The following LINGO2 variants were observed in gnomAD, a reference collection of about 807,000 sequenced individuals.
The protein encoded by LINGO2 is leucine-rich repeat and immunoglobulin-like domain-containing nogo receptor-interacting protein 2.
LINGO2 carries 14 observed loss-of-function variants against 30.6 expected under a neutral mutation model. The ratio of observed to expected loss-of-function variants is 0.46; its 90% CI spans 0.30 to 0.72. The LOEUF (loss-of-function observed/expected upper bound fraction) is 0.72, where lower values mean the gene tolerates loss of function less well. Among genes scored for constraint, LINGO2 ranks in the 30% least tolerant of loss-of-function variants. The pLI, the probability that LINGO2 is intolerant of heterozygous loss-of-function variation, is 0.07. For synonymous variants in LINGO2, 317 were observed against 288.5 expected (o/e 1.10, Z -1.00); for missense variants, 729 against 751.7 (o/e 0.97, Z 0.35).
At chr9:28,506,886 C>A (rs1324200721) in intron 1 of LINGO2, among the ~76,000 whole-genome samples, 1 of 151,912 alleles carries the variant, frequency 6.6e-6, no homozygotes, top group Non-Finnish European at 1.5e-5. Context: ...AAATCATCTT[C>A]TCTACAGCCA....
At chr9:28,206,095 G>A (rs925344286) in intron 4 of LINGO2, among the ~76,000 whole-genome samples, 3 of 150,030 alleles carry the variant, frequency 2.0e-5, no homozygotes, top group Non-Finnish European at 4.4e-5. Context: ...AACCCAGGAG[G>A]TGGAGGTTGC....
At chr9:28,317,857 C>T (rs1484424056) in intron 3 of LINGO2, among the ~76,000 whole-genome samples, 1 of 152,168 alleles carries the variant, frequency 6.6e-6, no homozygotes, top group Non-Finnish European at 1.5e-5. Context: ...TATGGGCCAA[C>T]TTTTAGAGTC....
chr9:28,565,446 A>G (rs886196485), intron 1 of LINGO2, among the ~76,000 whole-genome samples: 14 of 151,394 alleles, frequency 9.2e-5, no homozygotes, highest in Non-Finnish European at 1.9e-4. Context: ...CAGCCTCCCA[A>G]AGTGCTGGGA....
the LINGO2 span, among the ~76,000 whole-genome samples, chr9:29,012,407 T>C: frequency 5.9e-5 from 9 of 152,060 alleles, no homozygotes; most frequent in Non-Finnish European, 7.4e-5. Flanking sequence ...CTTAAAGAAC[T>C]TAAACGGTTG....
At chr9:28,575,170 G>A (rs1230923459) in intron 1 of LINGO2, among the ~76,000 whole-genome samples, 6 of 152,072 alleles carry the variant, frequency 3.9e-5, no homozygotes, top group East Asian at 1.9e-4. Flanking sequence ...TTGGGAGGCC[G>A]AGGCAGGTGG....
the LINGO2 span, among the ~76,000 whole-genome samples, chr9:28,722,730 G>A: frequency 6.6e-5 from 10 of 152,114 alleles, no homozygotes; most frequent in South Asian, 4.1e-4. Context: ...GGGAATATGC[G>A]ACAACCTTTG....
the LINGO2 span, among the ~76,000 whole-genome samples, chr9:28,715,498 G>A: frequency 0.1 from 15,896 of 152,014 alleles, 1,007 homozygotes; most frequent in East Asian, 0.19. Flanking sequence ...ATTAGATAAC[G>A]GAATTAGAGA....
At chr9:28,200,779 A>G (rs1347208065) in intron 4 of LINGO2, among the ~76,000 whole-genome samples, 1 of 152,256 alleles carries the variant, frequency 6.6e-6, no homozygotes, top group Non-Finnish European at 1.5e-5. Flanking sequence ...GCAGAATAAT[A>G]TCAGCATTTT....
At chr9:28,201,541 G>A (rs1335980053) in intron 4 of LINGO2, among the ~76,000 whole-genome samples, 4 of 150,658 alleles carry the variant, frequency 2.7e-5, no homozygotes, top group Non-Finnish European at 4.4e-5. Flanking sequence ...ATAAACATAC[G>A]TGTGCATGTG....
chr9:28,712,013 C>T, the LINGO2 span, among the ~76,000 whole-genome samples: 2 of 152,044 alleles, frequency 1.3e-5, no homozygotes, highest in Non-Finnish European at 2.9e-5. Context: ...CATTGGATTA[C>T]AGCAGTATAG....
At chr9:28,587,572 T>C (rs1265428399) in intron 1 of LINGO2, among the ~76,000 whole-genome samples, 1 of 151,778 alleles carries the variant, frequency 6.6e-6, no homozygotes, top group African/African-American at 2.4e-5. Flanking sequence ...CAGGGCTTAG[T>C]ATGCGATGGG....
the LINGO2 span, among the ~76,000 whole-genome samples, chr9:28,679,936 A>G: frequency 2.0e-5 from 3 of 151,110 alleles, no homozygotes; most frequent in African/African-American, 7.3e-5. Context: ...TCACATACTT[A>G]CCGTTTTTTT....
chr9:28,476,270 A>ATTAT (rs903276967), intron 1 of LINGO2, among the ~76,000 whole-genome samples: 12 of 151,986 alleles, frequency 7.9e-5, no homozygotes, highest in Admixed American at 1.3e-4. Flanking sequence ...TAATCATTAA[A>ATTAT]TTATTTATTT....
intron 1 of LINGO2, among the ~76,000 whole-genome samples, chr9:28,639,149 C>T (rs1212030330): frequency 6.6e-6 from 1 of 152,122 alleles, no homozygotes; most frequent in East Asian, 1.9e-4. Flanking sequence ...TTTCTTAATC[C>T]TGAGTTCTAG....
At chr9:29,144,114 T>G in the LINGO2 span, among the ~76,000 whole-genome samples, 3 of 152,168 alleles carry the variant, frequency 2.0e-5, no homozygotes, top group African/African-American at 7.2e-5. Context: ...CTTACTCTGT[T>G]CCATCGGTTT....
the LINGO2 span, among the ~76,000 whole-genome samples, chr9:28,815,082 G>C: frequency 6.6e-6 from 1 of 152,170 alleles, no homozygotes; most frequent in Non-Finnish European, 1.5e-5. Context: ...TCTATAGAGA[G>C]GCTGTCTCAA....
At chr9:29,177,368 C>T in the LINGO2 span, among the ~76,000 whole-genome samples, 12 of 152,256 alleles carry the variant, frequency 7.9e-5, no homozygotes, top group East Asian at 2.3e-3. Context: ...AGTTAATGTG[C>T]TTTTCAAAAT....
At position 27,957,752 on chromosome 9, in the gene LINGO2, G is replaced by A. The variant is rs978920915; in HGVS notation, c.-35-7046C>T. The stretch of plus-strand genomic sequence containing the variant: ...GATGATTTCTAAAGAAATTTTCTGT[G>A]ATATTGACAAAAAATGTGTTGATTA... On this transcript the variant is annotated intron_variant, in intron 5 of 5. Transcript: ENST00000379992. 4.6e-5 allele frequency among the ~76,000 whole-genome samples: 7 copies of A among 152,136 alleles called. No individual in the cohort carries two copies. In the East Asian group the frequency reaches 1.3e-3, roughly 29 times the overall value.
the LINGO2 span, among the ~76,000 whole-genome samples, chr9:28,771,504 TGTGAGAGA>T: frequency 1.3e-5 from 1 of 74,496 alleles, no homozygotes; most frequent in South Asian, 5.0e-4. Context: ...TGTGTGTGTG[TGTGAGAGA>T]GAGAGAGAGA....
Sources: gnomAD v4.1 joint callset for allele counts (sites outside exome capture counted in the v4.1 genomes callset) on GRCh38, gnomAD v4.1.1 for gene constraint, MANE v1.5 for transcripts, NCBI Gene and HGNC (gene_info 2026-07-23, HGNC 2026-07-21) for gene names.